Variants in USP18 observed in about 807,000 individuals in gnomAD.
USP18 encodes ubiquitin specific peptidase 18, also known as ubl carboxyl-terminal hydrolase 18.
USP18 carries 11 observed loss-of-function variants against 48.7 expected under a neutral mutation model. That is an observed-to-expected ratio of 0.23 (90% CI 0.14 to 0.37). The LOEUF (loss-of-function observed/expected upper bound fraction) is 0.37, where lower values mean the gene tolerates loss of function less well. Among genes scored for constraint, USP18 ranks in the 10% least tolerant of loss-of-function variants. The pLI is 1.00. For synonymous variants in USP18, 114 were observed against 163.2 expected, an observed-to-expected ratio of 0.70 and a Z score of 2.30; for missense variants, 285 against 436.4, an observed-to-expected ratio of 0.65 and a Z score of 3.09.
chr22:18,171,151 C>A (rs1929616431), intron 8 of USP18, among the ~76,000 whole-genome samples: 1 of 47,542 alleles, frequency 2.1e-5, no homozygotes, highest in Non-Finnish European at 3.7e-5. Context: ...ATGTGGAATA[C>A]ATAGAAATGC....
At chr22:18,167,659 C>T (rs887318101) in intron 5 of USP18, among the ~76,000 whole-genome samples, 1 of 146,264 alleles carries the variant, frequency 6.8e-6, no homozygotes, top group Non-Finnish European at 1.5e-5. Flanking sequence ...GATCGCGCCA[C>T]TGCACTCCAG....
intron 1 of USP18, among the ~76,000 whole-genome samples, chr22:18,155,772 G>A (rs1004917741): frequency 2.0e-5 from 3 of 152,200 alleles, no homozygotes; most frequent in Non-Finnish European, 2.9e-5. Flanking sequence ...TCCCCACCCC[G>A]CAGCCATGGG....
At chr22:18,161,997 G>A (rs1929347627) in intron 4 of USP18, 62 bp downstream of exon 4, 4 of 1,533,210 alleles carry the variant, frequency 2.6e-6, no homozygotes. Flanking sequence ...AGCTTAGAGA[G>A]TGAAGAGAGG....
chr22:18,173,774 A>G lies in USP18; in HGVS notation c.1024-19A>G. On this transcript the variant is annotated intron_variant, in intron 9 of 10. Coordinates refer to ENST00000215794, the MANE Select transcript of USP18 (RefSeq NM_017414.4). ...TTGTGTCAGCTGGCTGCTTGACCCC[A>G]TTTGTTTCTGGCTTCCAGGTGTCCT... 1 of 1,606,378 alleles carries G rather than the reference A, an allele frequency of 6.2e-7. No homozygotes were observed. The highest frequency in any genetic ancestry group is 8.5e-7 in the Non-Finnish European group (1 of 1,174,546).
intron 2 of USP18, among the ~76,000 whole-genome samples, chr22:18,158,984 A>G (rs1455292582): frequency 6.6e-6 from 1 of 152,154 alleles, no homozygotes; most frequent in African/African-American, 2.4e-5. Flanking sequence ...TTTGGCAGTG[A>G]GTAATATATA....
At chr22:18,157,998 AC>A (rs1792507101) in intron 2 of USP18, among the ~76,000 whole-genome samples, 178 bp downstream of exon 2, 1 of 152,138 alleles carries the variant, frequency 6.6e-6, no homozygotes, top group Non-Finnish European at 1.5e-5. Flanking sequence ...TCTGTAAAAA[AC>A]AAAAACAAGG....
intron 8 of USP18, 47 bp from the exon 9 acceptor site, chr22:18,173,103 C>T (rs747989672): frequency 1.8e-5 from 29 of 1,603,740 alleles, no homozygotes; most frequent in Middle Eastern, 1.7e-4. Flanking sequence ...GTGAGGCAGT[C>T]GTGTTTGTGG....
At chr22:18,156,442 C>T (rs910551684) in intron 1 of USP18, among the ~76,000 whole-genome samples, 2 of 152,194 alleles carry the variant, frequency 1.3e-5, no homozygotes, top group South Asian at 4.1e-4. Context: ...CTCTTTGGGT[C>T]CACACTGCCT....
chr22:18,155,701 G>C (rs1390665568), intron 1 of USP18, among the ~76,000 whole-genome samples: 1 of 152,202 alleles, frequency 6.6e-6, no homozygotes, highest in Non-Finnish European at 1.5e-5. Context: ...ATTTCTCGCC[G>C]GGCCTTAGCT....
chr22:18,155,799 G>C (rs1014944806), intron 1 of USP18, among the ~76,000 whole-genome samples: 3 of 152,214 alleles, frequency 2.0e-5, no homozygotes, highest in Non-Finnish European at 4.4e-5. Flanking sequence ...TGCGGACCAA[G>C]CCTCCCCGAC....
intron 1 of USP18, among the ~76,000 whole-genome samples, chr22:18,156,796 CTG>C (rs1415676466): frequency 6.6e-6 from 1 of 152,240 alleles, no homozygotes; most frequent in Non-Finnish European, 1.5e-5. Context: ...CCTTTAAGAA[CTG>C]TAACACTCAC....
In USP18 at chr22:18,166,011, A is replaced by G. The variant is rs375851263; in HGVS notation, c.401-1244A>G. On this transcript the variant is annotated intron_variant, in intron 4 of 10. Transcript: ENST00000215794. ...TTGCCCCAGGCTGGCTTCAGAATAA[A>G]TTCACATTTGTGTATAAAACCTTTT... Among the ~76,000 whole-genome samples, 4 of 152,218 alleles carry G rather than the reference A, an allele frequency of 2.6e-5. 1 individual carries two copies. The highest frequency in any genetic ancestry group is 2.1e-4 in the South Asian group (1 of 4,836).
intron 1 of USP18, among the ~76,000 whole-genome samples, chr22:18,155,722 A>C (rs1488260405): frequency 6.6e-6 from 1 of 152,218 alleles, no homozygotes; most frequent in Non-Finnish European, 1.5e-5. Context: ...GCCTCCTGGC[A>C]GGGCAGGGCT....
chr22:18,167,042 G>A (rs1929493318), intron 4 of USP18, among the ~76,000 whole-genome samples: 1 of 152,178 alleles, frequency 6.6e-6, no homozygotes, highest in Non-Finnish European at 1.5e-5. Context: ...TCTGGCACTG[G>A]AGCTTAAGTT....
intron 3 of USP18, among the ~76,000 whole-genome samples, chr22:18,160,749 G>A (rs550695453): frequency 1.3e-5 from 2 of 150,788 alleles, no homozygotes; most frequent in South Asian, 4.2e-4. Context: ...GGTCTGGGGT[G>A]CGACCCAAGT....
chr22:18,172,918 T>A (rs1367930459), intron 8 of USP18, among the ~76,000 whole-genome samples: 1 of 143,980 alleles, frequency 6.9e-6, no homozygotes, highest in Non-Finnish European at 1.5e-5. Context: ...GCCTCTCTCA[T>A]GACCTGCCTT....
intron 1 of USP18, among the ~76,000 whole-genome samples, chr22:18,151,667 T>G (rs964881198): frequency 6.6e-6 from 1 of 152,070 alleles, no homozygotes; most frequent in Admixed American, 6.5e-5. Context: ...TTTTTTTTTT[T>G]GAGAGAGAGT....
chr22:18,167,380 A>T (rs751764696), intron 5 of USP18, 46 bp downstream of exon 5: 2 of 1,605,174 alleles, frequency 1.2e-6, no homozygotes, highest in Admixed American at 3.4e-5. Flanking sequence ...GATGCTGCTC[A>T]TTTCACTCAT....
rs1027321156 is a variant in USP18, at chr22:18,150,581, C to A, written c.-107+359C>A. Among the ~76,000 whole-genome samples the A allele has an allele frequency of 5.3e-5, 8 of 152,350 alleles. 1 individual carries two copies. The highest frequency in any genetic ancestry group is 4.6e-4 in the Admixed American group (7 of 15,310). On this transcript the variant is annotated intron_variant, in intron 1 of 10. Transcript: ENST00000215794. Reference sequence around the variant, plus strand: ...GTTTCTATGTACAAGTCTTTAAAATCATTTCGAACTTGCTTTGTCCACTGA... The same window carrying A: ...GTTTCTATGTACAAGTCTTTAAAATAATTTCGAACTTGCTTTGTCCACTGA...
Sources: gnomAD v4.1 joint callset for allele counts (sites outside exome capture counted in the v4.1 genomes callset) on GRCh38, gnomAD v4.1.1 for gene constraint, MANE v1.5 for transcripts, NCBI Gene and HGNC (gene_info 2026-07-23, HGNC 2026-07-21) for gene names.